The following RBM47 variants were observed in gnomAD, a reference collection of about 807,000 sequenced individuals.
RBM47 encodes RNA-binding protein 47.
Under a neutral mutation model 47.1 loss-of-function variants are expected in RBM47, and 21 were observed. The observed-to-expected ratio is 0.45, with a 90% CI of 0.32 to 0.64. The LOEUF (loss-of-function observed/expected upper bound fraction) is 0.64, where lower values mean the gene tolerates loss of function less well. Ranked by LOEUF, RBM47 falls within the 30% of genes least tolerant of loss-of-function variation. The pLI is 0.05. For synonymous variants in RBM47, 375 were observed against 361.7 expected (o/e 1.04, Z -0.42); for missense variants, 708 against 870.9 (o/e 0.81, Z 2.35).
chr4:40,438,707 C>T lies in RBM47; in HGVS notation c.187G>A (p.Glu63Lys). The T allele has an allele frequency of 1.2e-6, 2 of 1,609,944 alleles. No homozygotes were observed. The highest frequency in any genetic ancestry group is 8.5e-7 in the Non-Finnish European group (1 of 1,178,784). Residue 63 changes from glutamate to lysine, a missense_variant, in exon 4 of 7, where the codon GAG (glutamate) becomes AAG (lysine). Coordinates refer to ENST00000295971, the MANE Select transcript of RBM47 (RefSeq NM_001098634.2). The stretch of plus-strand genomic sequence containing the variant: ...CAGCCACGCTGCGGGTGCGGGCCCT[C>T]CCAGCCGGGCGGTGGGCCGCCGTAC... ...RKYGGPPPGW[E>K]GPHPQRGCEV...
At chr4:40,555,095 C>T (rs1390231060) in intron 1 of RBM47, among the ~76,000 whole-genome samples, 1 of 152,176 alleles carries the variant, frequency 6.6e-6, no homozygotes, top group East Asian at 1.9e-4. Flanking sequence ...GCCACCATGC[C>T]CAGTTAATTT....
At chr4:40,446,466 G>A (rs1407673878) in intron 3 of RBM47, among the ~76,000 whole-genome samples, 1 of 152,118 alleles carries the variant, frequency 6.6e-6, no homozygotes, top group Non-Finnish European at 1.5e-5. Context: ...GGCTGGGCGT[G>A]GTGACTCATA....
intron 2 of RBM47, among the ~76,000 whole-genome samples, chr4:40,540,838 T>C (rs1166852586): frequency 6.6e-6 from 1 of 151,490 alleles, no homozygotes; most frequent in Non-Finnish European, 1.5e-5. Context: ...ATTATTTACA[T>C]TTTGCCAGGA....
chr4:40,460,869 C>T (rs1577689245), intron 3 of RBM47, among the ~76,000 whole-genome samples: 1 of 111,124 alleles, frequency 9.0e-6, no homozygotes, highest in African/African-American at 3.6e-5. Context: ...GCCTGGGTGA[C>T]AGAGTTAAGA....
At position 40,536,757 on chromosome 4, in the gene RBM47, G is replaced by A. The variant is rs887292345; in HGVS notation, c.-155+7665C>T. 4.0e-5 allele frequency among the ~76,000 whole-genome samples: 6 copies of A among 150,606 alleles called. 1 individual carries two copies. Among genetic ancestry groups the A allele is most frequent in the African/African-American group, 1.5e-4 (6 of 40,582 alleles). On this transcript the variant is annotated intron_variant, in intron 2 of 6. Coordinates refer to ENST00000295971, the MANE Select transcript of RBM47 (RefSeq NM_001098634.2). ...TTATTGTTGTTGTTGACAGAGTCTC[G>A]CTCTGTCATCCAGGCTAGAAAGCAG...
Position 40,613,806 on chromosome 4 carries a change from A to T in RBM47, c.-240+15590T>A, listed in dbSNP as rs966482291. On this transcript the variant is annotated intron_variant, in intron 1 of 6. Transcript: ENST00000295971. ...TCCCATGTCTTAAAAAATAAAACTTAAAAAAAAAAAAAAGGACAGTAGTGA... is the reference window on the plus strand; with the variant it reads ...TCCCATGTCTTAAAAAATAAAACTTTAAAAAAAAAAAAAGGACAGTAGTGA... Among the ~76,000 whole-genome samples the T allele has an allele frequency of 1.2e-4, 17 of 137,402 alleles. No individual in the cohort carries two copies. In the South Asian group the frequency reaches 3.8e-3, roughly 31 times the overall value. The allele number at this position is 137,402 out of a possible 152,430, so 90.1% of individuals were successfully genotyped here.
chr4:40,511,217 T>G (rs1724884339), intron 2 of RBM47, among the ~76,000 whole-genome samples: 1 of 152,238 alleles, frequency 6.6e-6, no homozygotes, highest in African/African-American at 2.4e-5. Context: ...TGAAAGGTTG[T>G]CACCTACCTG....
chr4:40,576,716 T>C (rs1329655541), intron 1 of RBM47, among the ~76,000 whole-genome samples: 2 of 152,096 alleles, frequency 1.3e-5, no homozygotes, highest in Non-Finnish European at 2.9e-5. Flanking sequence ...GGATTACAGG[T>C]GCAAGCTCAG....
Position 40,437,839 on chromosome 4 carries a change from T to C in RBM47, c.1055A>G (p.Tyr352Cys), listed in dbSNP as rs781050224. The C allele has an allele frequency of 1.9e-6, 3 of 1,614,050 alleles. No individual in the cohort carries two copies. The highest frequency in any genetic ancestry group is 2.5e-6 in the Non-Finnish European group (3 of 1,179,950). ...QPSYVYSCDP[Y>C]TLAYYGYPYN... is the part of the protein sequence containing the mutation. ...GGGGTAGCCGTAGTAGGCCAGTGTGTAGGGGTCGCAGGAGTACACGTAGCT... is the reference window on the plus strand; with the variant it reads ...GGGGTAGCCGTAGTAGGCCAGTGTGCAGGGGTCGCAGGAGTACACGTAGCT... The change falls in exon 4 of 7, where the codon TAC (tyrosine) becomes TGC (cysteine). Residue 352 changes from tyrosine to cysteine, a missense_variant. Coordinates refer to ENST00000295971, the MANE Select transcript of RBM47 (RefSeq NM_001098634.2).
chr4:40,444,732 T>C (rs1714245740), intron 3 of RBM47, among the ~76,000 whole-genome samples: 1 of 151,866 alleles, frequency 6.6e-6, no homozygotes, highest in Admixed American at 6.6e-5. Flanking sequence ...TGGTATGATC[T>C]TGGCTCACTG....
At chr4:40,435,801 A>G (rs1712239738) in intron 5 of RBM47, among the ~76,000 whole-genome samples, 1 of 151,922 alleles carries the variant, frequency 6.6e-6, no homozygotes, top group South Asian at 2.1e-4. Context: ...TCTTCCCCCT[A>G]CAACTCTCCT....
chr4:40,607,640 G>A (rs933235233), intron 1 of RBM47, among the ~76,000 whole-genome samples: 3 of 152,134 alleles, frequency 2.0e-5, no homozygotes, highest in Non-Finnish European at 2.9e-5. Flanking sequence ...CTGGGAGATC[G>A]GGGCTGCAGA....
Position 40,486,069 on chromosome 4 carries a change from C to CAAAAAAAAA in RBM47, c.-154-19379_-154-19371dup, listed in dbSNP as rs201408070. 1.0e-3 allele frequency among the ~76,000 whole-genome samples: 63 copies of CAAAAAAAAA among 62,816 alleles called. 1 individual carries two copies. Among genetic ancestry groups the CAAAAAAAAA allele is most frequent in the Admixed American group, 1.5e-3 (7 of 4,700 alleles). 41.2% of individuals were successfully genotyped at this position (62,816 alleles called of 152,430 possible). On this transcript the variant is annotated intron_variant, in intron 2 of 6. Coordinates refer to ENST00000295971, the MANE Select transcript of RBM47 (RefSeq NM_001098634.2). ...TGGACAACAGAGCAAAACCCTGTTTCAAAAAAAAAAAAAAAAAAAAAAAAA... is the reference window on the plus strand; with the variant it reads ...TGGACAACAGAGCAAAACCCTGTTTCAAAAAAAAAAAAAAAAAAAAAAAAAAAAAAAAAA...
intron 2 of RBM47, among the ~76,000 whole-genome samples, chr4:40,472,190 T>C (rs1259354442): frequency 6.6e-6 from 1 of 152,208 alleles, no homozygotes; most frequent in Non-Finnish European, 1.5e-5. Context: ...TCCAAGCCAA[T>C]AGTAGGCACT....
chr4:40,547,284 G>A (rs146431131), intron 1 of RBM47, among the ~76,000 whole-genome samples: 15 of 152,310 alleles, frequency 9.8e-5, no homozygotes, highest in African/African-American at 3.6e-4. Flanking sequence ...TTTGGAGACA[G>A]GGTCTTTAAA....
chr4:40,488,172 A>C lies in RBM47; in HGVS notation c.-154-21473T>G, dbSNP rs188235845. On this transcript the variant is annotated intron_variant, in intron 2 of 6. Coordinates refer to ENST00000295971, the MANE Select transcript of RBM47 (RefSeq NM_001098634.2). ...CCCAGCCTCTACTACAAAATTAGCC[A>C]GTGTAGTGGTGCGCACCTGTAATCG... 6.2e-3 allele frequency among the ~76,000 whole-genome samples: 937 copies of C among 152,084 alleles called. 16 individuals are homozygous for C. Among genetic ancestry groups the C allele is most frequent in the African/African-American group, 0.021 (887 of 41,494 alleles).
intron 2 of RBM47, among the ~76,000 whole-genome samples, chr4:40,513,189 C>T (rs1027238226): frequency 3.3e-5 from 5 of 152,152 alleles, no homozygotes; most frequent in African/African-American, 4.8e-5. Flanking sequence ...TTCTTCCAGC[C>T]GTTTTCAAAT....
chr4:40,597,842 T>C (rs1734896930), intron 1 of RBM47, among the ~76,000 whole-genome samples: 2 of 152,076 alleles, frequency 1.3e-5, no homozygotes, highest in Non-Finnish European at 2.9e-5. Context: ...CCATGAAAAA[T>C]TTTCCTGAGC....
intron 1 of RBM47, among the ~76,000 whole-genome samples, chr4:40,557,592 T>C (rs1257033388): frequency 6.6e-6 from 1 of 152,010 alleles, no homozygotes; most frequent in Non-Finnish European, 1.5e-5. Flanking sequence ...CTACCAAAAA[T>C]CCAAAAATTA....
Sources: allele counts gnomAD v4.1 joint callset (sites outside exome capture counted in the v4.1 genomes callset), GRCh38; gene constraint gnomAD v4.1.1; transcripts MANE v1.5; gene names NCBI Gene and HGNC (gene_info 2026-07-23, HGNC 2026-07-21).